Variants in NRG1 observed in about 807,000 individuals in gnomAD.
NRG1 encodes the protein neuregulin 1, also known as pro-neuregulin-1, membrane-bound isoform.
NRG1 carries 18 observed loss-of-function variants against 63.8 expected under a neutral mutation model. That is an observed-to-expected ratio of 0.28 (90% CI 0.19 to 0.42). The LOEUF is 0.42. Ranked by LOEUF, NRG1 falls within the 10% of genes least tolerant of loss-of-function variation. The pLI is 1.00. For synonymous variants in NRG1, 302 were observed against 301.3 expected, an observed-to-expected ratio of 1.00 and a Z score of -0.02; for missense variants, 762 against 814.7, an observed-to-expected ratio of 0.94 and a Z score of 0.79.
At chr8:32,346,285 T>C (rs565329989) in intron 1 of NRG1, among the ~76,000 whole-genome samples, 1 of 149,524 alleles carries the variant, frequency 6.7e-6, no homozygotes. Flanking sequence ...TATATATTTA[T>C]ATATAAATTG....
intron 1 of NRG1, among the ~76,000 whole-genome samples, chr8:31,843,050 T>A (rs1826342125): frequency 6.6e-6 from 1 of 152,194 alleles, no homozygotes; most frequent in African/African-American, 2.4e-5. Context: ...AAGGTTATTT[T>A]GCTCTGAAGA....
At chr8:32,053,108 G>A (rs1000192149) in intron 1 of NRG1, among the ~76,000 whole-genome samples, 1 of 152,206 alleles carries the variant, frequency 6.6e-6, no homozygotes, top group Non-Finnish European at 1.5e-5. Context: ...AATGCTGATG[G>A]AAGAACTGAT....
At chr8:32,123,627 G>GC (rs1468268526) in intron 1 of NRG1, among the ~76,000 whole-genome samples, 1 of 147,568 alleles carries the variant, frequency 6.8e-6, no homozygotes, top group Admixed American at 6.8e-5. Context: ...TATTCATTGT[G>GC]CATTTATATA....
intron 1 of NRG1, among the ~76,000 whole-genome samples, chr8:32,103,139 T>G (rs1463972689): frequency 6.6e-6 from 1 of 152,202 alleles, no homozygotes; most frequent in Non-Finnish European, 1.5e-5. Flanking sequence ...GGTCTTCTAA[T>G]TATTTTTTGT....
chr8:32,145,859 G>A (rs1350944743), intron 1 of NRG1, among the ~76,000 whole-genome samples: 1 of 152,202 alleles, frequency 6.6e-6, no homozygotes, highest in Non-Finnish European at 1.5e-5. Context: ...GAAAGTGGGA[G>A]TGTAACCACT....
intron 1 of NRG1, among the ~76,000 whole-genome samples, chr8:32,071,201 C>T (rs1423837115): frequency 6.6e-6 from 1 of 152,200 alleles, no homozygotes; most frequent in African/African-American, 2.4e-5. Flanking sequence ...AAATTCTTAT[C>T]TGTTGTGTGT....
intron 5 of NRG1, among the ~76,000 whole-genome samples, chr8:32,656,051 T>C (rs1801409913): frequency 6.6e-6 from 1 of 152,110 alleles, no homozygotes; most frequent in Admixed American, 6.6e-5. Flanking sequence ...ACAAAAACCA[T>C]GGAAATAATA....
At chr8:32,719,300 A>C (rs1055102386) in intron 5 of NRG1, among the ~76,000 whole-genome samples, 1 of 152,086 alleles carries the variant, frequency 6.6e-6, no homozygotes, top group Non-Finnish European at 1.5e-5. Flanking sequence ...CCATTTAAAC[A>C]TGCATATTAA....
At chr8:32,602,931 C>T (rs776164805) in intron 2 of NRG1, among the ~76,000 whole-genome samples, 62 of 152,120 alleles carry the variant, frequency 4.1e-4, no homozygotes, top group Non-Finnish European at 9.1e-4. Flanking sequence ...AAAATTAATA[C>T]AGCCTGCATT....
At chr8:32,067,419 A>C (rs947472152) in intron 1 of NRG1, among the ~76,000 whole-genome samples, 1 of 152,172 alleles carries the variant, frequency 6.6e-6, no homozygotes, top group Non-Finnish European at 1.5e-5. Flanking sequence ...AGTTTGTCAA[A>C]GGCCTTTTCT....
At chr8:32,341,167 A>T (rs887826125) in intron 1 of NRG1, among the ~76,000 whole-genome samples, 2 of 152,236 alleles carry the variant, frequency 1.3e-5, no homozygotes, top group Non-Finnish European at 2.9e-5. Flanking sequence ...AGCTTCTTGT[A>T]TACATTTATT....
At chr8:32,220,132 C>CT (rs1474446238) in intron 1 of NRG1, among the ~76,000 whole-genome samples, 1 of 152,100 alleles carries the variant, frequency 6.6e-6, no homozygotes, top group Non-Finnish European at 1.5e-5. Context: ...ACAGTGGGGA[C>CT]TATTAACACA....
chr8:32,536,650 C>T (rs10105247), intron 1 of NRG1, among the ~76,000 whole-genome samples: 80,618 of 151,690 alleles, frequency 0.53, 22,166 homozygotes, highest in East Asian at 0.84. Flanking sequence ...GGGCCGAGCG[C>T]GGTGGCTCAT....
At chr8:32,613,713 T>C (rs1490386606) in intron 3 of NRG1, among the ~76,000 whole-genome samples, 2 of 152,056 alleles carry the variant, frequency 1.3e-5, no homozygotes, top group South Asian at 2.1e-4. Flanking sequence ...TTGAATGATA[T>C]ACATCATTGC....
At chr8:32,716,480 A>T (rs2919376) in intron 5 of NRG1, among the ~76,000 whole-genome samples, 1 of 152,110 alleles carries the variant, frequency 6.6e-6, no homozygotes, top group Admixed American at 6.6e-5. Context: ...TAAAAGAAGC[A>T]GGGGAAGACC....
intron 1 of NRG1, among the ~76,000 whole-genome samples, chr8:31,942,376 A>C (rs1457662044): frequency 1.3e-5 from 2 of 152,176 alleles, no homozygotes; most frequent in African/African-American, 4.8e-5. Context: ...TATCCTATGC[A>C]AAAATCAACT....
At chr8:31,924,153 G>A (rs548580374) in intron 1 of NRG1, among the ~76,000 whole-genome samples, 22 of 151,596 alleles carry the variant, frequency 1.5e-4, no homozygotes, top group African/African-American at 4.8e-4. Context: ...AGGAGTTCGA[G>A]ACCAGCCTGA....
intron 1 of NRG1, among the ~76,000 whole-genome samples, chr8:31,687,760 C>T (rs1229671808): frequency 6.6e-6 from 1 of 152,246 alleles, no homozygotes; most frequent in African/African-American, 2.4e-5. Flanking sequence ...AACATGGAAG[C>T]TTTAGAACTG....
chr8:32,292,002 G>T (rs1586657093), intron 1 of NRG1, among the ~76,000 whole-genome samples: 1 of 152,078 alleles, frequency 6.6e-6, no homozygotes, highest in African/African-American at 2.4e-5. Flanking sequence ...AGAGGTGTTG[G>T]TATCCTCTGT....
Sources: allele counts gnomAD v4.1 joint callset (sites outside exome capture counted in the v4.1 genomes callset), GRCh38; gene constraint gnomAD v4.1.1; transcripts MANE v1.5; gene names NCBI Gene and HGNC (gene_info 2026-07-23, HGNC 2026-07-21).